GABRA5: variants seen among roughly 807,000 people sequenced by gnomAD.
The protein encoded by GABRA5 is gamma-aminobutyric acid receptor subunit alpha-5.
GABRA5 carries 18 observed loss-of-function variants against 47.3 expected under a neutral mutation model. The observed-to-expected ratio is 0.38, with a 90% CI of 0.26 to 0.56. The LOEUF is 0.56. Among genes scored for constraint, GABRA5 ranks in the 20% least tolerant of loss-of-function variants. The pLI is 0.71. For synonymous variants in GABRA5, 237 were observed against 229.3 expected (o/e 1.03, Z -0.30); for missense variants, 365 against 599.3 (o/e 0.61, Z 4.08).
chr15:26,929,253 A>G (rs1424702317), intron 7 of GABRA5, among the ~76,000 whole-genome samples: 1 of 152,234 alleles, frequency 6.6e-6, no homozygotes, highest in Non-Finnish European at 1.5e-5. Flanking sequence ...CCAAAATACA[A>G]TGGGGGCAGG....
intron 7 of GABRA5, among the ~76,000 whole-genome samples, chr15:26,920,528 A>G (rs1438344816): frequency 6.6e-6 from 1 of 152,126 alleles, no homozygotes; most frequent in Non-Finnish European, 1.5e-5. Flanking sequence ...AAGTATCTCT[A>G]TGATGGTTAT....
intron 4 of GABRA5, 57 bp downstream of exon 4, chr15:26,881,024 G>A (rs550709154): frequency 1.5e-5 from 23 of 1,583,382 alleles, no homozygotes; most frequent in Middle Eastern, 1.7e-4. Context: ...CTTAAGTCTC[G>A]TCTCAAGCTT....
Position 26,893,890 on chromosome 15 carries a change from G to A in GABRA5, c.497+10333G>A, listed in dbSNP as rs893755292. Among the ~76,000 whole-genome samples, 3 of 152,122 alleles carry A rather than the reference G, an allele frequency of 2.0e-5. No homozygotes were observed. The South Asian group carries it at 6.2e-4, about 31-fold the overall frequency. On this transcript the variant is annotated intron_variant, in intron 6 of 10. Transcript: ENST00000335625. ...CAAGATGTGAGACCTATGTGCGCGC[G>A]GGGCGGCGGCAGCCGGTCAAGGGGC...
intron 3 of GABRA5, chr15:26,880,546 A>C (rs1892703121): frequency 4.3e-6 from 1 of 234,136 alleles, no homozygotes; most frequent in African/African-American, 2.3e-5. Context: ...CGCAATGGCT[A>C]ATTGGTTGTT....
intron 10 of GABRA5, among the ~76,000 whole-genome samples, chr15:26,943,899 C>T (rs572151003): frequency 2.3e-4 from 35 of 152,228 alleles, no homozygotes; most frequent in African/African-American, 7.9e-4. Context: ...GAAAGCATTA[C>T]TCTGTTCAAA....
intron 3 of GABRA5, among the ~76,000 whole-genome samples, chr15:26,875,032 A>G (rs975697854): frequency 1.8e-4 from 27 of 152,080 alleles, no homozygotes; most frequent in African/African-American, 6.3e-4. Context: ...TCTAATCTCA[A>G]TGTGGGATTA....
chr15:26,884,971 G>T (rs114151891), intron 6 of GABRA5, among the ~76,000 whole-genome samples: 6 of 152,106 alleles, frequency 3.9e-5, no homozygotes, highest in Non-Finnish European at 8.8e-5. Context: ...GTAGGAAAAC[G>T]CAAGGACTGG....
In GABRA5 at chr15:26,934,912, C is replaced by T. The variant is rs543662049; in HGVS notation, c.581-2273C>T. On this transcript the variant is annotated intron_variant, in intron 7 of 10. Transcript: ENST00000335625. ...AGGAAAACGGTGATGAATTTCCAAG[C>T]CCGATGCGAGTGAAAATGTTTCAGA... 2.6e-5 allele frequency among the ~76,000 whole-genome samples: 4 copies of T among 152,322 alleles called. No individual in the cohort carries two copies. The East Asian group carries it at 5.8e-4, about 22-fold the overall frequency.
At chr15:26,888,164 A>G (rs1892924128) in intron 6 of GABRA5, among the ~76,000 whole-genome samples, 2 of 152,210 alleles carry the variant, frequency 1.3e-5, no homozygotes, top group African/African-American at 4.8e-5. Context: ...GAACTTATCC[A>G]TGATGTTGGC....
At chr15:26,945,030 G>C (rs955826916) in intron 10 of GABRA5, among the ~76,000 whole-genome samples, 2 of 152,236 alleles carry the variant, frequency 1.3e-5, no homozygotes, top group Non-Finnish European at 2.9e-5. Flanking sequence ...TCTGAATTCT[G>C]AATGGAGGGT....
intron 6 of GABRA5, among the ~76,000 whole-genome samples, chr15:26,913,176 C>CT (rs1893639062): frequency 7.9e-6 from 1 of 127,142 alleles, no homozygotes; most frequent in South Asian, 2.5e-4. Flanking sequence ...GAGCAAGACT[C>CT]TGTCTCAAAA....
intron 6 of GABRA5, among the ~76,000 whole-genome samples, chr15:26,913,089 CAGG>C (rs1451360524): frequency 7.4e-6 from 1 of 134,800 alleles, no homozygotes; most frequent in Non-Finnish European, 1.6e-5. Flanking sequence ...GAGGCTGAGG[CAGG>C]AGAATTGCTT....
chr15:26,901,607 G>T (rs1893329422), intron 6 of GABRA5, among the ~76,000 whole-genome samples: 1 of 152,026 alleles, frequency 6.6e-6, no homozygotes, highest in African/African-American at 2.4e-5. Flanking sequence ...TGTGTGACTT[G>T]TCTTTTCATT....
chr15:26,886,466 A>G (rs1892882246), intron 6 of GABRA5, among the ~76,000 whole-genome samples: 1 of 152,194 alleles, frequency 6.6e-6, no homozygotes. Flanking sequence ...TATAGCAGGC[A>G]ACTTCACAGA....
intron 10 of GABRA5, among the ~76,000 whole-genome samples, chr15:26,947,704 C>A (rs1649768294): frequency 1.3e-5 from 2 of 152,136 alleles, no homozygotes; most frequent in South Asian, 4.1e-4. Flanking sequence ...GTAGAATGAT[C>A]CGTATTCCTC....
chr15:26,910,187 CATA>C (rs1232671615), intron 6 of GABRA5, among the ~76,000 whole-genome samples: 1 of 152,064 alleles, frequency 6.6e-6, no homozygotes, highest in Non-Finnish European at 1.5e-5. Flanking sequence ...TTTTACCCAT[CATA>C]AAGCACTCTT....
chr15:26,934,085 T>C (rs1894173749), intron 7 of GABRA5, among the ~76,000 whole-genome samples: 1 of 151,844 alleles, frequency 6.6e-6, no homozygotes, highest in Non-Finnish European at 1.5e-5. Flanking sequence ...AAACCCCATC[T>C]ATACAAAAAA....
At chr15:26,934,637 A>G (rs904384306) in intron 7 of GABRA5, among the ~76,000 whole-genome samples, 2 of 124,408 alleles carry the variant, frequency 1.6e-5, no homozygotes, top group South Asian at 6.0e-4. Context: ...CTTTGTCATC[A>G]GTGTATTAGG....
chr15:26,892,023 A>C (rs1333094862), intron 6 of GABRA5, among the ~76,000 whole-genome samples: 1 of 152,192 alleles, frequency 6.6e-6, no homozygotes, highest in Non-Finnish European at 1.5e-5. Flanking sequence ...GCCTGGCAGG[A>C]GTGAGGCAGA....
Sources: allele counts gnomAD v4.1 joint callset (sites outside exome capture counted in the v4.1 genomes callset), GRCh38; gene constraint gnomAD v4.1.1; transcripts MANE v1.5; gene names NCBI Gene and HGNC (gene_info 2026-07-23, HGNC 2026-07-21).